The following GARIN1B variants were observed in gnomAD, a reference collection of about 807,000 sequenced individuals.
GARIN1B encodes Golgi-associated RAB2 interactor protein 1B.
At chr7:128,726,700 CT>C in the GARIN1B span, 2 of 977,794 alleles carry the variant, frequency 2.0e-6, no homozygotes, top group Non-Finnish European at 1.5e-6. Flanking sequence ...CACAGCTGGC[CT>C]TTTTCATATT....
At chr7:128,727,374 G>A in the GARIN1B span, among the ~76,000 whole-genome samples, 172 of 152,360 alleles carry the variant, frequency 1.1e-3, 1 homozygote, top group African/African-American at 3.8e-3. Flanking sequence ...GCACAAAGAA[G>A]GGGGTCCCTC....
chr7:128,719,167 G>T, the GARIN1B span: 1 of 1,443,822 alleles, frequency 6.9e-7, no homozygotes, highest in Non-Finnish European at 9.5e-7. Context: ...AGTGCCCTAT[G>T]AAGGTGATCT....
chr7:128,728,240 G>A, the GARIN1B span, among the ~76,000 whole-genome samples: 15 of 152,080 alleles, frequency 9.9e-5, no homozygotes, highest in East Asian at 1.9e-3. Context: ...TTAGGAGTTC[G>A]AGACCAGCCT....
the GARIN1B span, among the ~76,000 whole-genome samples, chr7:128,712,615 G>A: frequency 5.4e-3 from 822 of 152,320 alleles, 10 homozygotes; most frequent in African/African-American, 0.019. Flanking sequence ...ATGATACCTT[G>A]CACTGCCAAA....
At chr7:128,723,674 A>G in the GARIN1B span, among the ~76,000 whole-genome samples, 1 of 150,984 alleles carries the variant, frequency 6.6e-6, no homozygotes, top group Admixed American at 6.6e-5. Flanking sequence ...CATGCCCCCA[A>G]CTAATTTTTG....
chr7:128,719,560 A>G, the GARIN1B span, among the ~76,000 whole-genome samples: 1 of 152,046 alleles, frequency 6.6e-6, no homozygotes, highest in Non-Finnish European at 1.5e-5. Context: ...ATATAAATGG[A>G]ATCTTACAAC....
chr7:128,716,460 G>A, the GARIN1B span, among the ~76,000 whole-genome samples: 1 of 152,188 alleles, frequency 6.6e-6, no homozygotes, highest in Non-Finnish European at 1.5e-5. Context: ...TGTAATTCCT[G>A]TGGGCAATTG....
chr7:128,729,851 AG>A, the GARIN1B span: 1 of 1,585,916 alleles, frequency 6.3e-7, no homozygotes, highest in Non-Finnish European at 8.6e-7. Flanking sequence ...GTAACCTGTA[AG>A]GGCTCTGTGA....
the GARIN1B span, chr7:128,730,208 T>C: frequency 2.0e-6 from 2 of 1,004,654 alleles, no homozygotes; most frequent in Non-Finnish European, 2.9e-6. Flanking sequence ...CACAGAGACC[T>C]CAGCCCTCTT....
chr7:128,711,654 TACAG>T, the GARIN1B span, among the ~76,000 whole-genome samples: 7,039 of 107,836 alleles, frequency 0.065, 207 homozygotes, highest in Non-Finnish European at 0.075. Context: ...ATTTTGGTTT[TACAG>T]ACACACACAC....
chr7:128,711,658 GACAC>G, the GARIN1B span, among the ~76,000 whole-genome samples: 1,913 of 144,840 alleles, frequency 0.013, 20 homozygotes, highest in Admixed American at 0.021. Context: ...TGGTTTTACA[GACAC>G]ACACACACAC....
At chr7:128,712,354 G>A in the GARIN1B span, among the ~76,000 whole-genome samples, 2 of 152,120 alleles carry the variant, frequency 1.3e-5, no homozygotes, top group African/African-American at 2.4e-5. Flanking sequence ...ACCATTTTAG[G>A]TATGCAGTTC....
the GARIN1B span, among the ~76,000 whole-genome samples, chr7:128,716,431 T>C: frequency 5.3e-5 from 8 of 152,210 alleles, no homozygotes; most frequent in South Asian, 1.5e-3. Context: ...AAATGACAGA[T>C]GGCAGGGAAC....
chr7:128,721,327 A>G, the GARIN1B span, among the ~76,000 whole-genome samples: 2 of 152,162 alleles, frequency 1.3e-5, no homozygotes, highest in Non-Finnish European at 2.9e-5. Flanking sequence ...TTATTTGATT[A>G]AATGTTTTCC....
the GARIN1B span, among the ~76,000 whole-genome samples, chr7:128,709,744 C>G: frequency 0.023 from 473 of 20,212 alleles, 3 homozygotes; most frequent in South Asian, 0.13. Flanking sequence ...CTCTCTCTCT[C>G]TCTCTCTTTT....
chr7:128,712,366 G>C, the GARIN1B span, among the ~76,000 whole-genome samples: 1 of 152,156 alleles, frequency 6.6e-6, no homozygotes. Flanking sequence ...ATGCAGTTCA[G>C]TGGCATGAAG....
chr7:128,729,818 A>G, the GARIN1B span: 5 of 1,441,092 alleles, frequency 3.5e-6, no homozygotes, highest in African/African-American at 2.8e-5. Context: ...GGCACATCGT[A>G]AGCACCCCCC....
chr7:128,713,207 T>A, the GARIN1B span, among the ~76,000 whole-genome samples: 1 of 151,940 alleles, frequency 6.6e-6, no homozygotes, highest in Non-Finnish European at 1.5e-5. Context: ...CTCGGGAGGC[T>A]GAGGCAGGAG....
the GARIN1B span, among the ~76,000 whole-genome samples, chr7:128,729,442 C>G: frequency 6.6e-6 from 1 of 152,200 alleles, no homozygotes; most frequent in Non-Finnish European, 1.5e-5. Context: ...AACATGCTCC[C>G]AGGTAATGCC....
Sources: gnomAD v4.1 joint callset for allele counts (sites outside exome capture counted in the v4.1 genomes callset) on GRCh38, gnomAD v4.1.1 for gene constraint, MANE v1.5 for transcripts, NCBI Gene and HGNC (gene_info 2026-07-23, HGNC 2026-07-21) for gene names.